CYP2C19: variants seen among roughly 807,000 people sequenced by gnomAD.
The protein encoded by CYP2C19 is cytochrome P450 family 2 subfamily C member 19, also known as cytochrome P450 2C19.
In CYP2C19, 59 loss-of-function variants were observed where a neutral mutation model predicts 40.9. The ratio of observed to expected loss-of-function variants is 1.44; its 90% CI spans 1.17 to 1.79. The LOEUF (loss-of-function observed/expected upper bound fraction) is 1.79, where lower values mean the gene tolerates loss of function less well. Ranked by LOEUF, CYP2C19 falls within the 40% of genes most tolerant of loss-of-function variation. The pLI is 0.00. For synonymous variants in CYP2C19, 253 were observed against 208.7 expected, an observed-to-expected ratio of 1.21 and a Z score of -1.83; for missense variants, 754 against 596.9, an observed-to-expected ratio of 1.26 and a Z score of -2.74.
At chr10:94,795,086 T>C (rs1322203305) in intron 5 of CYP2C19, among the ~76,000 whole-genome samples, 3 of 151,598 alleles carry the variant, frequency 2.0e-5, no homozygotes, top group Non-Finnish European at 4.4e-5. Flanking sequence ...ACATGTGCCA[T>C]GTTGGTGTGC....
At chr10:94,843,517 T>C (rs1849526472) in intron 7 of CYP2C19, among the ~76,000 whole-genome samples, 1 of 152,264 alleles carries the variant, frequency 6.6e-6, no homozygotes. Flanking sequence ...AGATAATTAA[T>C]ATTTTTGTTG....
chr10:94,840,492 A>C (rs886516454), intron 6 of CYP2C19, among the ~76,000 whole-genome samples: 1 of 152,148 alleles, frequency 6.6e-6, no homozygotes, highest in African/African-American at 2.4e-5. Context: ...TAGAGATACA[A>C]CTTGCTAGAG....
chr10:94,832,473 T>C (rs1204419111), intron 6 of CYP2C19, among the ~76,000 whole-genome samples: 1 of 152,166 alleles, frequency 6.6e-6, no homozygotes, highest in Non-Finnish European at 1.5e-5. Context: ...CACATGGCCT[T>C]GTACTTGGGG....
At chr10:94,780,778 A>G (rs889603370) in intron 4 of CYP2C19, 119 bp downstream of exon 4, 1 of 1,108,188 alleles carries the variant, frequency 9.0e-7, no homozygotes, top group South Asian at 1.4e-5. Flanking sequence ...TCTTGCCTAG[A>G]CAGCCATGGG....
At position 94,854,477 on chromosome 10, in the gene CYP2C19, T is replaced by C. The variant is rs1849703280; in HGVS notation, c.*1563T>C. On this transcript the variant is annotated 3_prime_UTR_variant, in exon 9 of 9. Coordinates refer to ENST00000371321, the MANE Select transcript of CYP2C19 (RefSeq NM_000769.4). ...AGCATAGACAACTAAGTATCTTATG[T>C]TAAATTATGTTCACCACTCTTCCTG... 6.6e-6 allele frequency among the ~76,000 whole-genome samples: 1 copy of C among 152,014 alleles called. No individual in the cohort carries two copies.
intron 6 of CYP2C19, among the ~76,000 whole-genome samples, chr10:94,837,570 T>A (rs1849424190): frequency 2.0e-5 from 3 of 151,406 alleles, no homozygotes; most frequent in Admixed American, 2.0e-4. Flanking sequence ...GTGAAAAGAG[T>A]AAAGTTCCTC....
chr10:94,812,846 T>G (rs1848946606), intron 5 of CYP2C19, among the ~76,000 whole-genome samples: 1 of 152,108 alleles, frequency 6.6e-6, no homozygotes, highest in Non-Finnish European at 1.5e-5. Flanking sequence ...TTACACACCT[T>G]CTGAAGCCTA....
chr10:94,763,842 C>T (rs1848206432), intron 1 of CYP2C19, among the ~76,000 whole-genome samples: 1 of 152,028 alleles, frequency 6.6e-6, no homozygotes, highest in Non-Finnish European at 1.5e-5. Flanking sequence ...GCCACGGACC[C>T]TCGTGGTGAG....
intron 1 of CYP2C19, among the ~76,000 whole-genome samples, chr10:94,772,822 C>T (rs551975360): frequency 4.1e-4 from 63 of 152,282 alleles, no homozygotes; most frequent in South Asian, 1.2e-3. Flanking sequence ...TCGCCCAGGC[C>T]GGACTGCGGA....
At position 94,854,920 on chromosome 10, in the gene CYP2C19, A is replaced by G. The variant is rs1299192267; in HGVS notation, c.*2006A>G. On this transcript the variant is annotated 3_prime_UTR_variant, in exon 9 of 9. Transcript: ENST00000371321. ...AAATTACACATTATACATTTTAAAC[A>G]TTCTTCATTGGGAAATGAAAATGTA... is the stretch of plus-strand genomic sequence containing the variant. 2.0e-5 allele frequency among the ~76,000 whole-genome samples: 3 copies of G among 152,236 alleles called. No homozygotes were observed. Among genetic ancestry groups the G allele is most frequent in the Non-Finnish European group, 4.4e-5 (3 of 68,044 alleles).
chr10:94,844,361 A>G (rs1015225749), intron 7 of CYP2C19, among the ~76,000 whole-genome samples: 11 of 152,180 alleles, frequency 7.2e-5, no homozygotes, highest in African/African-American at 2.2e-4. Context: ...AATTGTACAT[A>G]ATGTGAACCC....
Position 94,834,599 on chromosome 10 carries a change from A to G in CYP2C19, c.962-8238A>G, listed in dbSNP as rs189129599. Among the ~76,000 whole-genome samples, 445 of 150,860 alleles carry G rather than the reference A, an allele frequency of 2.9e-3. 2 individuals carry two copies. The highest frequency in any genetic ancestry group is 0.01 in the African/African-American group (422 of 41,030). ...GTTGCAAGATTTAATAGGCTGAAAC[A>G]GAGCTCCCATACAAAGGGAGGGGAC... On this transcript the variant is annotated intron_variant, in intron 6 of 8. Coordinates refer to ENST00000371321, the MANE Select transcript of CYP2C19 (RefSeq NM_000769.4).
In CYP2C19 at chr10:94,835,285, C is replaced by T. The variant is rs1849385208; in HGVS notation, c.962-7552C>T. Among the ~76,000 whole-genome samples the T allele has an allele frequency of 2.0e-5, 3 of 152,222 alleles. No homozygotes were observed. The South Asian group carries it at 6.2e-4, about 32-fold the overall frequency. On this transcript the variant is annotated intron_variant, in intron 6 of 8. Coordinates refer to ENST00000371321, the MANE Select transcript of CYP2C19 (RefSeq NM_000769.4). ...CCTGGTCCAGTAAATAATAATTTGG[C>T]CATCTGATGGGTGCTATCAATACCT...
intron 6 of CYP2C19, among the ~76,000 whole-genome samples, chr10:94,828,143 A>G (rs1040080096): frequency 1.3e-5 from 2 of 152,028 alleles, no homozygotes; most frequent in African/African-American, 2.4e-5. Context: ...TATTCTGTTG[A>G]TTTGGGGTGG....
chr10:94,780,701 CT>C (rs748577817), intron 4 of CYP2C19, 42 bp downstream of exon 4: 3 of 1,607,476 alleles, frequency 1.9e-6, no homozygotes, highest in East Asian at 2.2e-5. Flanking sequence ...CACTTACAGT[CT>C]TTTTTTCTGG....
chr10:94,836,551 T>A (rs1377628340), intron 6 of CYP2C19, among the ~76,000 whole-genome samples: 3 of 152,212 alleles, frequency 2.0e-5, no homozygotes, highest in African/African-American at 4.8e-5. Context: ...CCTTAATTAG[T>A]GTATATAATG....
At chr10:94,763,149 G>A (rs961246477) in intron 1 of CYP2C19, among the ~76,000 whole-genome samples, 1 of 152,106 alleles carries the variant, frequency 6.6e-6, no homozygotes, top group Admixed American at 6.5e-5. Flanking sequence ...TTATTTCATA[G>A]CCATTTGCTA....
chr10:94,802,861 A>T (rs910353351), intron 5 of CYP2C19, among the ~76,000 whole-genome samples: 1 of 152,160 alleles, frequency 6.6e-6, no homozygotes. Context: ...TTGTCTGGGT[A>T]TGAAATTCTG....
intron 1 of CYP2C19, among the ~76,000 whole-genome samples, chr10:94,773,014 C>A (rs570691556): frequency 4.6e-5 from 7 of 152,262 alleles, no homozygotes; most frequent in Non-Finnish European, 8.8e-5. Context: ...ATCTGCTGAC[C>A]TCATGATCCA....
Sources: gnomAD v4.1 joint callset for allele counts (sites outside exome capture counted in the v4.1 genomes callset) on GRCh38, gnomAD v4.1.1 for gene constraint, MANE v1.5 for transcripts, NCBI Gene and HGNC (gene_info 2026-07-23, HGNC 2026-07-21) for gene names.